ZZZ3: variants seen among roughly 807,000 people sequenced by gnomAD.
ZZZ3 encodes the protein zinc finger ZZ-type containing 3.
ZZZ3 carries 22 observed loss-of-function variants against 95.2 expected under a neutral mutation model. The observed-to-expected ratio is 0.23, with a 90% CI of 0.17 to 0.33. The LOEUF is 0.33. Among genes scored for constraint, ZZZ3 ranks in the 10% least tolerant of loss-of-function variants. The probability of loss-of-function intolerance (pLI) is 1.00; values close to 1 mark genes in which losing one functional copy is unlikely to be tolerated. For missense variants in ZZZ3, 885 were observed against 1,066.5 expected (o/e 0.83, Z 2.37); for synonymous variants, 335 against 358.9 (o/e 0.93, Z 0.75).
In ZZZ3 at chr1:77,662,341, G is replaced by T. The variant is rs373133350; in HGVS notation, c.-403+20244C>A. Reference sequence around the variant, plus strand: ...TTTTTTTTTGTAGAGACAAGTTCTCGCTATGTTGCCCAGACTGGTCTCAAA... The same window carrying T: ...TTTTTTTTTGTAGAGACAAGTTCTCTCTATGTTGCCCAGACTGGTCTCAAA... On this transcript the variant is annotated intron_variant, in intron 1 of 14. Transcript: ENST00000370801. 2.0e-5 allele frequency among the ~76,000 whole-genome samples: 3 copies of T among 151,654 alleles called. No individual in the cohort carries two copies. The East Asian group carries it at 5.9e-4, about 30-fold the overall frequency.
chr1:77,654,070 C>T (rs1407150498), intron 1 of ZZZ3, among the ~76,000 whole-genome samples: 1 of 151,516 alleles, frequency 6.6e-6, no homozygotes, highest in Non-Finnish European at 1.5e-5. Context: ...CGCCTGTAGT[C>T]CCAGCTACTT....
intron 5 of ZZZ3, among the ~76,000 whole-genome samples, chr1:77,615,804 A>G (rs75814662): frequency 0.019 from 2,940 of 152,296 alleles, 67 homozygotes; most frequent in East Asian, 0.1. Context: ...GATTCTTATA[A>G]AGAGGAAAAC....
At chr1:77,567,764 G>A (rs1356230440) in intron 13 of ZZZ3, among the ~76,000 whole-genome samples, 1 of 152,100 alleles carries the variant, frequency 6.6e-6, no homozygotes, top group Non-Finnish European at 1.5e-5. Context: ...TGCAGAATGA[G>A]TATATGCATT....
intron 5 of ZZZ3, among the ~76,000 whole-genome samples, chr1:77,595,346 A>G (rs1664121166): frequency 6.6e-6 from 1 of 152,094 alleles, no homozygotes; most frequent in Non-Finnish European, 1.5e-5. Flanking sequence ...GAACAAAATG[A>G]TCATTTCAGG....
intron 5 of ZZZ3, among the ~76,000 whole-genome samples, chr1:77,621,253 G>A (rs1413045003): frequency 6.6e-6 from 1 of 151,976 alleles, no homozygotes; most frequent in Non-Finnish European, 1.5e-5. Context: ...AAGACTTTGG[G>A]AGGATCACTT....
At chr1:77,578,716 A>G (rs991584381) in intron 11 of ZZZ3, 58 bp downstream of exon 11, 2 of 982,976 alleles carry the variant, frequency 2.0e-6, no homozygotes, top group African/African-American at 1.7e-5. Context: ...ATTTTTACAT[A>G]GCAATTCTTA....
At chr1:77,578,462 T>C (rs930451437) in intron 11 of ZZZ3, among the ~76,000 whole-genome samples, 19 of 152,322 alleles carry the variant, frequency 1.2e-4, no homozygotes, top group African/African-American at 3.6e-4. Flanking sequence ...TATTAAATGA[T>C]TGATTTATTA....
chr1:77,660,087 C>G (rs1670650528), intron 1 of ZZZ3, among the ~76,000 whole-genome samples: 5 of 152,170 alleles, frequency 3.3e-5, no homozygotes, highest in Admixed American at 3.3e-4. Context: ...CAATCTCAAC[C>G]TCCCAAAGAG....
At chr1:77,580,893 T>C in intron 9 of ZZZ3, 105 bp downstream of exon 9, 1 of 948,144 alleles carries the variant, frequency 1.1e-6, no homozygotes, top group Non-Finnish European at 1.7e-6. Context: ...CCCAAAGTGC[T>C]GGGATTACAG....
At chr1:77,578,263 G>A (rs1662161155) in intron 11 of ZZZ3, among the ~76,000 whole-genome samples, 4 of 151,894 alleles carry the variant, frequency 2.6e-5, no homozygotes, top group South Asian at 2.1e-4. Flanking sequence ...TTAAAGATAC[G>A]GGACCTCACT....
chr1:77,659,747 A>C (rs1025305691), intron 1 of ZZZ3, among the ~76,000 whole-genome samples: 3 of 140,804 alleles, frequency 2.1e-5, no homozygotes, highest in East Asian at 2.0e-4. Context: ...TTGATTACCC[A>C]AAAAAAAAAA....
chr1:77,592,743 T>G (rs1022591949), intron 5 of ZZZ3, among the ~76,000 whole-genome samples: 53 of 152,264 alleles, frequency 3.5e-4, no homozygotes, highest in Middle Eastern at 3.4e-3. Flanking sequence ...AAATAAAATA[T>G]TTAAAAATAC....
intron 1 of ZZZ3, among the ~76,000 whole-genome samples, chr1:77,659,594 A>C (rs1314108657): frequency 1.3e-5 from 2 of 151,794 alleles, no homozygotes; most frequent in African/African-American, 4.8e-5. Flanking sequence ...GAAGCAGGAG[A>C]ATCACTTGAA....
chr1:77,669,488 G>A (rs1012128939), intron 1 of ZZZ3, among the ~76,000 whole-genome samples: 2 of 130,526 alleles, frequency 1.5e-5, no homozygotes, highest in East Asian at 2.1e-4. Context: ...ATGGCGTCTC[G>A]CTCAGTTGCC....
At chr1:77,591,607 G>C (rs1173889388) in intron 5 of ZZZ3, among the ~76,000 whole-genome samples, 1 of 152,182 alleles carries the variant, frequency 6.6e-6, no homozygotes, top group Non-Finnish European at 1.5e-5. Flanking sequence ...GCCTACCAAA[G>C]TGCTGGGATT....
chr1:77,665,722 GA>G (rs1378891153), intron 1 of ZZZ3, among the ~76,000 whole-genome samples: 2 of 152,118 alleles, frequency 1.3e-5, no homozygotes, highest in African/African-American at 4.8e-5. Flanking sequence ...AATAAAGCTA[GA>G]GAAAATATAA....
intron 5 of ZZZ3, among the ~76,000 whole-genome samples, chr1:77,605,728 C>T (rs1450343694): frequency 1.3e-5 from 2 of 152,094 alleles, no homozygotes; most frequent in Admixed American, 1.3e-4. Context: ...TCTAGACACA[C>T]CCTGGGCCAG....
intron 1 of ZZZ3, among the ~76,000 whole-genome samples, chr1:77,648,418 C>A (rs371477197): frequency 6.7e-6 from 1 of 148,944 alleles, no homozygotes; most frequent in South Asian, 2.1e-4. Context: ...AAAAAGCAAT[C>A]GACAGAAAAA....
At chr1:77,637,643 T>C (rs994930871) in intron 4 of ZZZ3, among the ~76,000 whole-genome samples, 17 of 152,212 alleles carry the variant, frequency 1.1e-4, no homozygotes, top group African/African-American at 3.9e-4. Context: ...GCCTGGACAA[T>C]AGTGAGACCC....
Sources: allele counts gnomAD v4.1 joint callset (sites outside exome capture counted in the v4.1 genomes callset), GRCh38; gene constraint gnomAD v4.1.1; transcripts MANE v1.5; gene names NCBI Gene and HGNC (gene_info 2026-07-23, HGNC 2026-07-21).